Variants in TRIM16 observed in about 807,000 individuals in gnomAD.
TRIM16 encodes the protein tripartite motif-containing protein 16.
A neutral mutation model predicts 50.4 loss-of-function variants in TRIM16; 33 were observed. That is an observed-to-expected ratio of 0.65 (90% CI 0.50 to 0.88). TRIM16 has a LOEUF of 0.88. Among genes scored for constraint, TRIM16 ranks in the 40% least tolerant of loss-of-function variants. The pLI, the probability that TRIM16 is intolerant of heterozygous loss-of-function variation, is 0.00. For synonymous variants in TRIM16, 229 were observed against 270.7 expected (o/e 0.85, Z 1.51); for missense variants, 581 against 686.8 (o/e 0.85, Z 1.72).
intron 6 of TRIM16, among the ~76,000 whole-genome samples, chr17:15,665,254 T>C (rs1004287637): frequency 5.9e-5 from 9 of 152,190 alleles, no homozygotes; most frequent in African/African-American, 9.7e-5. Context: ...GGCTCATGCC[T>C]GTAATCCCAG....
intron 6 of TRIM16, among the ~76,000 whole-genome samples, chr17:15,676,122 C>T (rs1272823622): frequency 2.0e-5 from 3 of 152,066 alleles, no homozygotes; most frequent in Non-Finnish European, 4.4e-5. Context: ...GCACTGTTGC[C>T]GTTTTAGACA....
chr17:15,657,672 A>G (rs1186526812), intron 6 of TRIM16, among the ~76,000 whole-genome samples: 1 of 152,200 alleles, frequency 6.6e-6, no homozygotes, highest in Non-Finnish European at 1.5e-5. Flanking sequence ...TTCACTTGGC[A>G]TAATGTCTTC....
At chr17:15,664,835 C>G (rs1196749135) in intron 6 of TRIM16, among the ~76,000 whole-genome samples, 1 of 151,946 alleles carries the variant, frequency 6.6e-6, no homozygotes, top group African/African-American at 2.4e-5. Flanking sequence ...AGTTCGAGAT[C>G]AGCCTGGCCA....
rs960152560 is a variant in TRIM16 at position 15,628,300 on chromosome 17, T to G, written c.*315A>C. The G allele has an allele frequency of 4.4e-6, 1 of 229,254 alleles. No individual in the cohort carries two copies. The highest frequency in any genetic ancestry group is 5.2e-5 in the Admixed American group (1 of 19,284). 14.2% of individuals were successfully genotyped at this position (229,254 alleles called of 1,614,324 possible). A position where few individuals can be genotyped will look rare whatever the true frequency, so the allele number is the denominator to read the frequency against. On this transcript the variant is annotated 3_prime_UTR_variant, in exon 12 of 12. Transcript: ENST00000649191. ...GGCAGGCACCTGTAATCCCAGCTAC[T>G]CGGGAGGCTGAGGCAGGAGAATTGC...
chr17:15,651,705 C>T lies in TRIM16; in HGVS notation c.-96G>A. 1.3e-6 allele frequency: 2 copies of T among 1,542,982 alleles called. No homozygotes were observed. Among genetic ancestry groups the T allele is most frequent in the Non-Finnish European group, 1.7e-6 (2 of 1,148,456 alleles). ...CAAGAGAACCACGCCTAGATGATTG[C>T]AGCTGCTGCAAGATTTTAACTGTTT... is the stretch of plus-strand genomic sequence containing the variant. On this transcript the variant is annotated 5_prime_UTR_variant, in exon 7 of 12. Coordinates refer to ENST00000649191, the MANE Select transcript of TRIM16 (RefSeq NM_001348119.1).
intron 9 of TRIM16, among the ~76,000 whole-genome samples, chr17:15,633,914 G>T (rs1158717918): frequency 6.7e-6 from 1 of 149,316 alleles, no homozygotes; most frequent in Admixed American, 6.6e-5. Context: ...AAACTTACAG[G>T]CTGGGTGCAG....
At chr17:15,653,031 C>T (rs1486826722) in intron 6 of TRIM16, among the ~76,000 whole-genome samples, 2 of 152,130 alleles carry the variant, frequency 1.3e-5, no homozygotes, top group African/African-American at 4.8e-5. Context: ...GGAGGTGGGG[C>T]CTGGTGGGAG....
At chr17:15,645,663 TA>T (rs1987337003) in intron 7 of TRIM16, among the ~76,000 whole-genome samples, 2 of 152,116 alleles carry the variant, frequency 1.3e-5, no homozygotes, top group Non-Finnish European at 2.9e-5. Flanking sequence ...TCAGAGAGCA[TA>T]AACTGTCTCT....
chr17:15,673,724 TCA>T (rs1249797818), intron 6 of TRIM16, among the ~76,000 whole-genome samples: 2 of 152,246 alleles, frequency 1.3e-5, no homozygotes, highest in Non-Finnish European at 2.9e-5. Context: ...AAGTGTTGAG[TCA>T]CAGCATAACC....
At chr17:15,637,088 C>T (rs1360818125) in intron 8 of TRIM16, among the ~76,000 whole-genome samples, 1 of 144,188 alleles carries the variant, frequency 6.9e-6, no homozygotes, top group African/African-American at 2.6e-5. Flanking sequence ...CGTCTCCGCC[C>T]GGCAGCCACC....
intron 6 of TRIM16, among the ~76,000 whole-genome samples, 153 bp downstream of exon 6, chr17:15,677,023 G>C (rs1988979962): frequency 6.6e-6 from 1 of 152,140 alleles, no homozygotes. Context: ...CTTGAGTCTG[G>C]GAAGAAATAA....
intron 6 of TRIM16, among the ~76,000 whole-genome samples, chr17:15,660,010 G>T (rs760472643): frequency 2.0e-5 from 3 of 152,214 alleles, no homozygotes; most frequent in Non-Finnish European, 2.9e-5. Context: ...GTAGGTAAGC[G>T]AACAGACACC....
At chr17:15,659,696 G>C (rs7222216) in intron 6 of TRIM16, among the ~76,000 whole-genome samples, 9 of 152,140 alleles carry the variant, frequency 5.9e-5, no homozygotes, top group African/African-American at 1.9e-4. Flanking sequence ...TGTAACAAAT[G>C]TTCTCTTGCC....
chr17:15,636,630 C>CTTTT (rs869137177), intron 8 of TRIM16, among the ~76,000 whole-genome samples: 11 of 121,204 alleles, frequency 9.1e-5, no homozygotes, highest in African/African-American at 2.1e-4. Context: ...AAGAATTTGG[C>CTTTT]TTTTTTTTTT....
chr17:15,647,691 C>G (rs774331389), intron 7 of TRIM16, among the ~76,000 whole-genome samples: 33 of 152,140 alleles, frequency 2.2e-4, no homozygotes, highest in Non-Finnish European at 4.7e-4. Flanking sequence ...GACAGTGCAG[C>G]CCAGCACTTA....
intron 7 of TRIM16, among the ~76,000 whole-genome samples, chr17:15,650,007 C>T (rs898413184): frequency 6.6e-6 from 1 of 152,312 alleles, no homozygotes; most frequent in African/African-American, 2.4e-5. Context: ...TGGCAAGTGG[C>T]TTCCCGGGCC....
chr17:15,675,032 T>C (rs1282661465), intron 6 of TRIM16, among the ~76,000 whole-genome samples: 2 of 152,048 alleles, frequency 1.3e-5, no homozygotes, highest in Non-Finnish European at 2.9e-5. Context: ...AGCTCAGTTC[T>C]GCACAACTAG....
At chr17:15,659,622 G>A (rs1988131362) in intron 6 of TRIM16, among the ~76,000 whole-genome samples, 2 of 152,118 alleles carry the variant, frequency 1.3e-5, no homozygotes, top group Non-Finnish European at 2.9e-5. Context: ...TTACCTTTAT[G>A]GCTTATGCCT....
rs540593614 is a variant in TRIM16 at position 15,639,086 on chromosome 17, T to A, written c.616-2817A>T. ...TTTTTTTTTTTTAGACAAGGTCTCC[T>A]CTGTTGCCAGGTTGGAGTGGCACAG... is the stretch of plus-strand genomic sequence containing the variant. On this transcript the variant is annotated intron_variant, in intron 8 of 11. Coordinates refer to ENST00000649191, the MANE Select transcript of TRIM16 (RefSeq NM_001348119.1). Among the ~76,000 whole-genome samples, 6 of 129,426 alleles carry A rather than the reference T, an allele frequency of 4.6e-5. 1 individual carries two copies. In the South Asian group the frequency reaches 1.7e-3, roughly 36 times the overall value. 84.9% of individuals were successfully genotyped at this position (129,426 alleles called of 152,430 possible). A position where few individuals can be genotyped will look rare whatever the true frequency, so the allele number is the denominator to read the frequency against.
Sources: gnomAD v4.1 joint callset for allele counts (sites outside exome capture counted in the v4.1 genomes callset) on GRCh38, gnomAD v4.1.1 for gene constraint, MANE v1.5 for transcripts, NCBI Gene and HGNC (gene_info 2026-07-23, HGNC 2026-07-21) for gene names.